The following CEP63 variants were observed in gnomAD, a reference collection of about 807,000 sequenced individuals.
CEP63 encodes the protein centrosomal protein 63.
Under a neutral mutation model 89.1 loss-of-function variants are expected in CEP63, and 84 were observed. The observed-to-expected ratio is 0.94, with a 90% CI of 0.79 to 1.13. The LOEUF (loss-of-function observed/expected upper bound fraction) is 1.13. Ranked by LOEUF, CEP63 falls within the 50% of genes most tolerant of loss-of-function variation. The pLI, the probability that CEP63 is intolerant of heterozygous loss-of-function variation, is 0.00. For missense variants in CEP63, 838 were observed against 813.3 expected (o/e 1.03, Z -0.37); for synonymous variants, 267 against 272.5 (o/e 0.98, Z 0.20).
At chr3:134,741,872 G>A in the CEP63 span, among the ~76,000 whole-genome samples, 1 of 152,080 alleles carries the variant, frequency 6.6e-6, no homozygotes, top group Admixed American at 6.5e-5. Flanking sequence ...TCCTCTGAGG[G>A]GATCTGTGTT....
the CEP63 span, among the ~76,000 whole-genome samples, chr3:134,612,091 C>T: frequency 4.6e-5 from 7 of 152,102 alleles, no homozygotes; most frequent in African/African-American, 7.2e-5. Flanking sequence ...GTGGAAAGTC[C>T]GGGCCACTAG....
intron 9 of CEP63, 138 bp downstream of exon 9, chr3:134,547,610 A>ATTTATTTTTTTTTTTTTTTTTTTTTTT: frequency 1.8e-5 from 4 of 226,808 alleles, no homozygotes; most frequent in Non-Finnish European, 2.1e-5. Context: ...CTAAGTTCTT[A>ATTTATTTTTTTTTTTTTTTTTTTTTTT]TTTCTTTTTT....
At chr3:134,652,328 C>T in the CEP63 span, among the ~76,000 whole-genome samples, 1 of 152,048 alleles carries the variant, frequency 6.6e-6, no homozygotes. Flanking sequence ...ACTGATGGAG[C>T]AGAGAAGCAG....
the CEP63 span, among the ~76,000 whole-genome samples, chr3:134,667,207 G>A: frequency 0.022 from 3,403 of 152,154 alleles, 138 homozygotes; most frequent in African/African-American, 0.077. Context: ...ACTTCCCCCC[G>A]ACTAATGTTG....
At chr3:134,497,218 TTG>T (rs1262069339) in intron 2 of CEP63, among the ~76,000 whole-genome samples, 1 of 152,234 alleles carries the variant, frequency 6.6e-6, no homozygotes, top group African/African-American at 2.4e-5. Context: ...ATTCTACAAG[TTG>T]TCTTTGACTC....
At chr3:134,570,509 C>T (rs1205207788) in intron 11 of CEP63, among the ~76,000 whole-genome samples, 1 of 152,170 alleles carries the variant, frequency 6.6e-6, no homozygotes, top group East Asian at 1.9e-4. Flanking sequence ...GCTCCAGTTC[C>T]CAACAAGTTC....
At chr3:134,762,515 A>C in the CEP63 span, among the ~76,000 whole-genome samples, 2 of 152,178 alleles carry the variant, frequency 1.3e-5, no homozygotes, top group Admixed American at 6.5e-5. Context: ...AAGGTATTCA[A>C]GTTAAAATGA....
chr3:134,775,359 T>C, the CEP63 span, among the ~76,000 whole-genome samples: 5 of 152,192 alleles, frequency 3.3e-5, no homozygotes, highest in Admixed American at 1.3e-4. Context: ...GCACAGATTG[T>C]AACAAAGAGT....
chr3:134,515,540 G>A (rs1204167383), intron 3 of CEP63, among the ~76,000 whole-genome samples: 1 of 152,188 alleles, frequency 6.6e-6, no homozygotes, highest in African/African-American at 2.4e-5. Context: ...TGGAGCAGAA[G>A]CCGAAAGCAT....
At chr3:134,690,588 C>T in the CEP63 span, among the ~76,000 whole-genome samples, 1 of 152,152 alleles carries the variant, frequency 6.6e-6, no homozygotes, top group African/African-American at 2.4e-5. Flanking sequence ...ACTCTCCACT[C>T]TATATCCTTC....
At chr3:134,544,008 A>T (rs1952633559) in intron 6 of CEP63, among the ~76,000 whole-genome samples, 1 of 149,804 alleles carries the variant, frequency 6.7e-6, no homozygotes, top group African/African-American at 2.4e-5. Flanking sequence ...TCGGTAATTT[A>T]TACAAACAGT....
chr3:134,762,153 T>A, the CEP63 span, among the ~76,000 whole-genome samples: 952 of 152,192 alleles, frequency 6.3e-3, 10 homozygotes, highest in African/African-American at 0.021. Flanking sequence ...AATATGGCCA[T>A]GAAGATAGGC....
chr3:134,509,319 T>A (rs1435240810), intron 3 of CEP63, among the ~76,000 whole-genome samples: 1 of 152,006 alleles, frequency 6.6e-6, no homozygotes, highest in African/African-American at 2.4e-5. Context: ...AACAACCAGA[T>A]CTCAGGAAAA....
the CEP63 span, among the ~76,000 whole-genome samples, chr3:134,614,333 A>G: frequency 6.6e-6 from 1 of 152,166 alleles, no homozygotes; most frequent in Admixed American, 6.5e-5. Flanking sequence ...TCTACTTTAC[A>G]GAATTGACAA....
the CEP63 span, among the ~76,000 whole-genome samples, chr3:134,630,088 T>G: frequency 0.33 from 50,076 of 152,130 alleles, 8,599 homozygotes; most frequent in African/African-American, 0.37. Context: ...TAGACTGGAC[T>G]TAAAGGCATT....
rs749538210 is a variant in CEP63, at chr3:134,550,160, G to A, written c.1280G>A (p.Arg427Gln). Reference protein sequence around the residue: ...ISHLTQELHQRDITIASTKGS... With the variant: ...ISHLTQELHQQDITIASTKGS... ...CATCTAACTCAGGAGTTACATCAGCGAGATATCACTATTGCTTCCACCAAA... is the reference window on the plus strand; with the variant it reads ...CATCTAACTCAGGAGTTACATCAGCAAGATATCACTATTGCTTCCACCAAA... Residue 427 changes from arginine (R) to glutamine (Q), a missense_variant, in exon 11 of 15, where the codon CGA becomes CAA. Coordinates refer to ENST00000675561, the MANE Select transcript of CEP63 (RefSeq NM_001353108.3). 5 of 1,613,716 alleles carry A rather than the reference G, an allele frequency of 3.1e-6. No individual in the cohort carries two copies. Among genetic ancestry groups the A allele is most frequent in the South Asian group, 1.1e-5 (1 of 91,076 alleles).
At chr3:134,651,059 CGAGGGCGCGGAA>C in the CEP63 span, 4 of 1,545,766 alleles carry the variant, frequency 2.6e-6, no homozygotes, top group East Asian at 2.4e-5. Flanking sequence ...CGGGAGAGGG[CGAGGGCGCGGAA>C]GAGGGCGCTC....
the CEP63 span, among the ~76,000 whole-genome samples, chr3:134,681,882 T>A: frequency 2.0e-5 from 3 of 152,118 alleles, no homozygotes; most frequent in Non-Finnish European, 4.4e-5. Flanking sequence ...CTCAGAGAAG[T>A]TAAAAATGTG....
chr3:134,642,711 A>T, the CEP63 span, among the ~76,000 whole-genome samples: 1 of 152,204 alleles, frequency 6.6e-6, no homozygotes, highest in Admixed American at 6.5e-5. Flanking sequence ...ATTGGTCAGG[A>T]CAAGGGAGGG....
Sources: gnomAD v4.1 joint callset for allele counts (sites outside exome capture counted in the v4.1 genomes callset) on GRCh38, gnomAD v4.1.1 for gene constraint, MANE v1.5 for transcripts, NCBI Gene and HGNC (gene_info 2026-07-23, HGNC 2026-07-21) for gene names.